The following PTPRM variants were observed in gnomAD, a reference collection of about 807,000 sequenced individuals.
The protein encoded by PTPRM is protein tyrosine phosphatase receptor type M.
Under a neutral mutation model 186.7 loss-of-function variants are expected in PTPRM, and 47 were observed. The ratio of observed to expected loss-of-function variants is 0.25; its 90% CI spans 0.20 to 0.32. The LOEUF (loss-of-function observed/expected upper bound fraction) is 0.32. Among genes scored for constraint, PTPRM ranks in the 10% least tolerant of loss-of-function variants. The probability of loss-of-function intolerance (pLI) is 1.00; values close to 1 mark genes in which losing one functional copy is unlikely to be tolerated. For synonymous variants in PTPRM, 668 were observed against 674.9 expected, an observed-to-expected ratio of 0.99 and a Z score of 0.16; for missense variants, 1,494 against 1,865.0, an observed-to-expected ratio of 0.80 and a Z score of 3.66.
intron 1 of PTPRM, among the ~76,000 whole-genome samples, chr18:7,632,204 C>T (rs971602782): frequency 6.6e-6 from 1 of 152,160 alleles, no homozygotes; most frequent in Non-Finnish European, 1.5e-5. Flanking sequence ...TAGTGACATA[C>T]CTATGATGAG....
At chr18:7,792,246 G>T (rs2043376622) in intron 2 of PTPRM, among the ~76,000 whole-genome samples, 1 of 152,158 alleles carries the variant, frequency 6.6e-6, no homozygotes, top group African/African-American at 2.4e-5. Flanking sequence ...CATAATTTTT[G>T]TAGATTATTC....
chr18:7,676,627 CTGTGTGTG>C lies in PTPRM; in HGVS notation c.74-97494_74-97487del, dbSNP rs751900694. Among the ~76,000 whole-genome samples the C allele has an allele frequency of 7.8e-3, 1,108 of 141,488 alleles. 18 individuals are homozygous for C. The highest frequency in any genetic ancestry group is 0.027 in the African/African-American group (1,020 of 38,234). 92.8% of individuals were successfully genotyped at this position (141,488 alleles called of 152,430 possible). ...TTTTCTGTCAGCCAGGAGATTCTAGCTGTGTGTGTGTGTGTGTGTGTGTGTGTGTGTGT... is the reference window on the plus strand; with the variant it reads ...TTTTCTGTCAGCCAGGAGATTCTAGCTGTGTGTGTGTGTGTGTGTGTGTGT... On this transcript the variant is annotated intron_variant, in intron 1 of 32. Transcript: ENST00000580170.
At chr18:7,833,275 G>A (rs2045852744) in intron 2 of PTPRM, among the ~76,000 whole-genome samples, 1 of 151,980 alleles carries the variant, frequency 6.6e-6, no homozygotes, top group African/African-American at 2.4e-5. Context: ...ATTTTTTGGT[G>A]TCCTCTTCAA....
chr18:8,161,272 G>A (rs919732946), intron 14 of PTPRM, among the ~76,000 whole-genome samples: 4 of 152,052 alleles, frequency 2.6e-5, no homozygotes, highest in Admixed American at 1.3e-4. Flanking sequence ...TGCATCTGTT[G>A]GTTGCAGTTT....
chr18:8,342,858 G>C (rs2095482900), intron 22 of PTPRM, among the ~76,000 whole-genome samples: 1 of 151,996 alleles, frequency 6.6e-6, no homozygotes, highest in African/African-American at 2.4e-5. Flanking sequence ...GTTCTGCCAG[G>C]AATCTTTATG....
chr18:7,834,232 C>T (rs543314337), intron 2 of PTPRM, among the ~76,000 whole-genome samples: 104 of 151,792 alleles, frequency 6.9e-4, no homozygotes, highest in Admixed American at 1.0e-3. Context: ...TGTATCACAT[C>T]GATTTTCATA....
chr18:8,319,455 A>C (rs1346049620), intron 22 of PTPRM, among the ~76,000 whole-genome samples: 1 of 152,214 alleles, frequency 6.6e-6, no homozygotes, highest in Non-Finnish European at 1.5e-5. Flanking sequence ...CAATATGTCT[A>C]CCTTAGGAGT....
intron 7 of PTPRM, among the ~76,000 whole-genome samples, chr18:8,044,859 G>C (rs972647050): frequency 3.3e-5 from 5 of 151,552 alleles, no homozygotes; most frequent in Non-Finnish European, 7.4e-5. Flanking sequence ...AAAATAATAA[G>C]TGTTGGCCAG....
At chr18:7,717,739 G>A (rs1699648423) in intron 1 of PTPRM, among the ~76,000 whole-genome samples, 1 of 152,186 alleles carries the variant, frequency 6.6e-6, no homozygotes, top group South Asian at 2.1e-4. Context: ...TGCTGCTGTG[G>A]GGCTTCATGG....
intron 14 of PTPRM, among the ~76,000 whole-genome samples, chr18:8,201,530 A>G (rs2093856854): frequency 6.6e-6 from 1 of 152,166 alleles, no homozygotes; most frequent in South Asian, 2.1e-4. Context: ...GGCTTCCATA[A>G]CAAAATACGA....
chr18:7,858,245 A>T (rs1303238811), intron 2 of PTPRM, among the ~76,000 whole-genome samples: 1 of 152,182 alleles, frequency 6.6e-6, no homozygotes, highest in East Asian at 1.9e-4. Flanking sequence ...CTGCAAAGTT[A>T]TGTTTTTGTT....
chr18:8,010,020 G>A (rs889165041), intron 7 of PTPRM, among the ~76,000 whole-genome samples: 7 of 152,118 alleles, frequency 4.6e-5, no homozygotes, highest in African/African-American at 1.7e-4. Context: ...AGACATTTAG[G>A]TTAGAATCAG....
chr18:8,003,689 A>C (rs890205221), intron 7 of PTPRM, among the ~76,000 whole-genome samples: 1 of 152,234 alleles, frequency 6.6e-6, no homozygotes, highest in African/African-American at 2.4e-5. Context: ...AGTTAATTAC[A>C]TTATGGACAC....
intron 13 of PTPRM, among the ~76,000 whole-genome samples, chr18:8,132,006 G>T (rs1378631191): frequency 6.6e-6 from 1 of 152,138 alleles, no homozygotes; most frequent in African/African-American, 2.4e-5. Flanking sequence ...TTTAATATGT[G>T]TAATTTACTT....
Position 8,021,097 on chromosome 18 carries a change from C to T in PTPRM, c.1133-48589C>T, listed in dbSNP as rs146250849. On this transcript the variant is annotated intron_variant, in intron 7 of 32. Coordinates refer to ENST00000580170, the MANE Select transcript of PTPRM (RefSeq NM_001105244.2). ...CAAGAAAGGTTTTAGAGCCTAGGGTCTTCTGAGTAGCAGTACCTGTTGACT... is the reference window on the plus strand; with the variant it reads ...CAAGAAAGGTTTTAGAGCCTAGGGTTTTCTGAGTAGCAGTACCTGTTGACT... 8.2e-3 allele frequency among the ~76,000 whole-genome samples: 1,254 copies of T among 152,182 alleles called. 7 individuals are homozygous for T. The highest frequency in any genetic ancestry group is 0.034 in the South Asian group (163 of 4,820).
chr18:7,703,866 A>G (rs1271155744), intron 1 of PTPRM, among the ~76,000 whole-genome samples: 1 of 152,208 alleles, frequency 6.6e-6, no homozygotes, highest in African/African-American at 2.4e-5. Flanking sequence ...TAGTTTATTA[A>G]GAGTTTTTAG....
At chr18:8,105,440 C>T (rs1227591711) in intron 11 of PTPRM, among the ~76,000 whole-genome samples, 3 of 151,930 alleles carry the variant, frequency 2.0e-5, no homozygotes, top group East Asian at 3.9e-4. Context: ...CTTTAAGAAC[C>T]TTTGAAAAGA....
chr18:8,117,028 T>C (rs1332270525), intron 13 of PTPRM, among the ~76,000 whole-genome samples: 1 of 152,218 alleles, frequency 6.6e-6, no homozygotes, highest in East Asian at 1.9e-4. Context: ...CAGGCAAAAC[T>C]ACACTGTTTT....
At chr18:8,231,013 A>G (rs1272146150) in intron 14 of PTPRM, among the ~76,000 whole-genome samples, 3 of 152,224 alleles carry the variant, frequency 2.0e-5, no homozygotes, top group Non-Finnish European at 4.4e-5. Context: ...GCACACACGT[A>G]ATTGTAGATG....
Sources: allele counts gnomAD v4.1 joint callset (sites outside exome capture counted in the v4.1 genomes callset), GRCh38; gene constraint gnomAD v4.1.1; transcripts MANE v1.5; gene names NCBI Gene and HGNC (gene_info 2026-07-23, HGNC 2026-07-21).